Variants in GABRB1 observed in about 807,000 individuals in gnomAD.
GABRB1 encodes gamma-aminobutyric acid type A receptor subunit beta1.
In GABRB1, 17 loss-of-function variants were observed where a neutral mutation model predicts 51.6. That is an observed-to-expected ratio of 0.33 (90% CI 0.23 to 0.49). The LOEUF (loss-of-function observed/expected upper bound fraction) is 0.49, where lower values mean the gene tolerates loss of function less well. GABRB1 is among the 20% of genes least tolerant of loss of function. The pLI, the probability that GABRB1 is intolerant of heterozygous loss-of-function variation, is 0.99. For missense variants in GABRB1, 410 were observed against 600.6 expected (o/e 0.68, Z 3.32); for synonymous variants, 247 against 218.9 (o/e 1.13, Z -1.14).
chr4:47,150,424 T>G (rs1003514408), intron 3 of GABRB1, among the ~76,000 whole-genome samples: 1 of 151,284 alleles, frequency 6.6e-6, no homozygotes, highest in Non-Finnish European at 1.5e-5. Flanking sequence ...AGAATTGTTT[T>G]AGTTGTAAAA....
intron 8 of GABRB1, among the ~76,000 whole-genome samples, chr4:47,424,591 C>T (rs1208198855): frequency 6.6e-6 from 1 of 152,114 alleles, no homozygotes. Context: ...TAAGTGTTTA[C>T]TAAGATTAAT....
chr4:47,364,473 T>C (rs1726912584), intron 5 of GABRB1, among the ~76,000 whole-genome samples: 2 of 143,042 alleles, frequency 1.4e-5, no homozygotes, highest in African/African-American at 5.2e-5. Flanking sequence ...GAGAAGGGAG[T>C]TGAGGCAAAT....
intron 3 of GABRB1, among the ~76,000 whole-genome samples, chr4:47,065,770 G>T (rs181734830): frequency 2.2e-4 from 33 of 152,216 alleles, no homozygotes; most frequent in African/African-American, 7.9e-4. Context: ...AAGGAAAGGC[G>T]CTATCCTAAA....
chr4:47,250,261 G>C (rs1721934957), intron 4 of GABRB1, among the ~76,000 whole-genome samples: 1 of 152,128 alleles, frequency 6.6e-6, no homozygotes, highest in African/African-American at 2.4e-5. Flanking sequence ...TTTTGTTTGA[G>C]GAGGCTGAAG....
chr4:47,010,567 A>G (rs1389020781), intron 1 of GABRB1, among the ~76,000 whole-genome samples: 2 of 152,250 alleles, frequency 1.3e-5, no homozygotes, highest in African/African-American at 4.8e-5. Context: ...GTCAATGCAA[A>G]TAAATATGAT....
At chr4:47,320,043 A>C (rs1319385485) in intron 4 of GABRB1, 84 bp from the exon 5 acceptor site, 1 of 938,064 alleles carries the variant, frequency 1.1e-6, no homozygotes, top group Non-Finnish European at 1.7e-6. Context: ...GCCAACTGGT[A>C]AACATGATTT....
intron 3 of GABRB1, among the ~76,000 whole-genome samples, chr4:47,088,942 T>C (rs535190606): frequency 6.6e-6 from 1 of 152,326 alleles, no homozygotes; most frequent in African/African-American, 2.4e-5. Flanking sequence ...CTATTTTGAC[T>C]TCTTTGTCTT....
chr4:47,257,116 A>G (rs1176382135), intron 4 of GABRB1, among the ~76,000 whole-genome samples: 1 of 152,188 alleles, frequency 6.6e-6, no homozygotes, highest in Non-Finnish European at 1.5e-5. Flanking sequence ...AAGATCAGAC[A>G]TAGGAAAGAG....
At chr4:47,006,380 G>C (rs1296331404) in intron 1 of GABRB1, among the ~76,000 whole-genome samples, 1 of 152,072 alleles carries the variant, frequency 6.6e-6, no homozygotes, top group Non-Finnish European at 1.5e-5. Context: ...AGAATTTGCA[G>C]TACCAAAAAA....
chr4:47,351,362 C>A (rs1045129115), intron 5 of GABRB1, among the ~76,000 whole-genome samples: 8 of 152,122 alleles, frequency 5.3e-5, no homozygotes, highest in African/African-American at 1.7e-4. Context: ...AAAGCCAAGA[C>A]AAATTGTTCA....
intron 8 of GABRB1, among the ~76,000 whole-genome samples, chr4:47,423,402 C>A (rs1372949005): frequency 6.6e-6 from 1 of 152,214 alleles, no homozygotes; most frequent in African/African-American, 2.4e-5. Context: ...TAGCTTCACT[C>A]AATTACTTAC....
intron 5 of GABRB1, among the ~76,000 whole-genome samples, chr4:47,368,823 C>T (rs1346177874): frequency 6.6e-6 from 1 of 152,014 alleles, no homozygotes; most frequent in African/African-American, 2.4e-5. Context: ...AAAAGTTGCT[C>T]TTGGCCAGGC....
chr4:47,141,904 T>C (rs577167626), intron 3 of GABRB1, among the ~76,000 whole-genome samples: 1 of 152,032 alleles, frequency 6.6e-6, no homozygotes, highest in South Asian at 2.1e-4. Flanking sequence ...TCTATCACCA[T>C]ACCCCCTCCT....
chr4:47,184,834 T>C (rs576322362), intron 4 of GABRB1, among the ~76,000 whole-genome samples: 76 of 151,804 alleles, frequency 5.0e-4, no homozygotes, highest in African/African-American at 1.8e-3. Flanking sequence ...CAAGGAGGGG[T>C]TAATGAGATC....
chr4:47,174,636 G>A (rs1718587125), intron 4 of GABRB1, among the ~76,000 whole-genome samples: 1 of 151,670 alleles, frequency 6.6e-6, no homozygotes, highest in Non-Finnish European at 1.5e-5. Flanking sequence ...TTTTTTACTT[G>A]ATGATAGGTT....
At position 47,014,420 on chromosome 4, in the gene GABRB1, T is replaced by A. The variant is rs544356382; in HGVS notation, c.-19-17494T>A. On this transcript the variant is annotated intron_variant, in intron 1 of 3. Transcript: ENST00000513567. Reference sequence around the variant, plus strand: ...CTATTGTCATGTTTGTATTATAGGATAAGCACTATTGACATCTTCTTTTAT... The same window carrying A: ...CTATTGTCATGTTTGTATTATAGGAAAAGCACTATTGACATCTTCTTTTAT... Among the ~76,000 whole-genome samples, 8 of 152,334 alleles carry A rather than the reference T, an allele frequency of 5.3e-5. No individual in the cohort carries two copies. In the South Asian group the frequency reaches 1.7e-3, roughly 32 times the overall value.
At position 47,406,797 on chromosome 4, in the gene GABRB1, G is replaced by A. The variant is rs1728587738; in HGVS notation, c.951G>A (p.Val317=). 3 of 1,614,024 alleles carry A rather than the reference G, an allele frequency of 1.9e-6. No homozygotes were observed. The African/African-American group carries it at 4.0e-5, about 22-fold the overall frequency. ...ATCTGATGGGTTGCTTTGTGTTTGT[G>A]TTCCTGGCTCTGCTGGAGTATGCCT... The part of the protein sequence containing the change: ...DIYLMGCFVF[V]FLALLEYAFV... Residue 317 remains valine, a synonymous_variant, in exon 8 of 9, where the codon GTG becomes GTA. Transcript: ENST00000295454.
At chr4:47,366,704 T>G (rs556628194) in intron 5 of GABRB1, among the ~76,000 whole-genome samples, 1 of 152,308 alleles carries the variant, frequency 6.6e-6, no homozygotes, top group Admixed American at 6.5e-5. Flanking sequence ...AACTGAAGAA[T>G]AATGTCATGT....
At chr4:47,387,212 C>A (rs1165190623) in intron 5 of GABRB1, among the ~76,000 whole-genome samples, 2 of 152,176 alleles carry the variant, frequency 1.3e-5, no homozygotes, top group Non-Finnish European at 2.9e-5. Flanking sequence ...TGACTGTAAT[C>A]CCACTTTGGG....
Sources: allele counts gnomAD v4.1 joint callset (sites outside exome capture counted in the v4.1 genomes callset), GRCh38; gene constraint gnomAD v4.1.1; transcripts MANE v1.5; gene names NCBI Gene and HGNC (gene_info 2026-07-23, HGNC 2026-07-21).